Variants in GRIN2B observed in about 807,000 individuals in gnomAD.
GRIN2B encodes the protein glutamate ionotropic receptor NMDA type subunit 2B, also known as glutamate receptor ionotropic, NMDA 2B.
A neutral mutation model predicts 114.5 loss-of-function variants in GRIN2B; 5 were observed. That is an observed-to-expected ratio of 0.04 (90% CI 0.02 to 0.09). GRIN2B has a LOEUF of 0.09. Ranked by LOEUF, GRIN2B falls within the 10% of genes least tolerant of loss-of-function variation. The pLI is 1.00. For missense variants in GRIN2B, 1,108 were observed against 1,943.5 expected, an observed-to-expected ratio of 0.57 and a Z score of 8.08; for synonymous variants, 787 against 745.1, an observed-to-expected ratio of 1.06 and a Z score of -0.92.
At chr12:13,628,969 A>G (rs951366965) in intron 5 of GRIN2B, among the ~76,000 whole-genome samples, 2 of 152,224 alleles carry the variant, frequency 1.3e-5, no homozygotes, top group African/African-American at 4.8e-5. Context: ...ATGAGGGAGC[A>G]CAAATGGAAG....
chr12:13,973,369 T>C (rs1006500091), intron 2 of GRIN2B, among the ~76,000 whole-genome samples: 4 of 152,088 alleles, frequency 2.6e-5, no homozygotes, highest in African/African-American at 9.7e-5. Context: ...GTAGACAGCA[T>C]AGTTTGCCGT....
chr12:13,578,752 T>C (rs1948808462), intron 10 of GRIN2B, among the ~76,000 whole-genome samples: 1 of 152,104 alleles, frequency 6.6e-6, no homozygotes, highest in Non-Finnish European at 1.5e-5. Context: ...TAGGAAGAAA[T>C]TGAAACAGCA....
At chr12:13,854,009 T>C (rs74067133) in intron 3 of GRIN2B, among the ~76,000 whole-genome samples, 8,865 of 152,164 alleles carry the variant, frequency 0.058, 345 homozygotes, top group African/African-American at 0.11. Flanking sequence ...TACCATTACT[T>C]ACAGTTGTGA....
At chr12:13,825,502 G>GTGTGTGTGTA (rs1865019420) in intron 3 of GRIN2B, among the ~76,000 whole-genome samples, 1 of 122,026 alleles carries the variant, frequency 8.2e-6, no homozygotes, top group Non-Finnish European at 1.8e-5. Flanking sequence ...TATTTTGTGT[G>GTGTGTGTGTA]TGTGTGTGTG....
chr12:13,687,194 T>C lies in GRIN2B; in HGVS notation c.1011-11335A>G, dbSNP rs565827673. Among the ~76,000 whole-genome samples, 4 of 152,318 alleles carry C rather than the reference T, an allele frequency of 2.6e-5. No individual in the cohort carries two copies. In the South Asian group the frequency reaches 8.3e-4, roughly 32 times the overall value. On this transcript the variant is annotated intron_variant, in intron 4 of 13. Coordinates refer to ENST00000609686, the MANE Select transcript of GRIN2B (RefSeq NM_000834.5). Reference sequence around the variant, plus strand: ...GAGTTTTCTTTATAGCAACACAAAATAAACTAAGACAAAGATCAACAAAAA... The same window carrying C: ...GAGTTTTCTTTATAGCAACACAAAACAAACTAAGACAAAGATCAACAAAAA...
At chr12:13,891,442 G>A (rs924553192) in intron 2 of GRIN2B, among the ~76,000 whole-genome samples, 4 of 152,022 alleles carry the variant, frequency 2.6e-5, no homozygotes, top group African/African-American at 7.3e-5. Context: ...GTCATTGTAA[G>A]GCATTGTTTA....
At chr12:13,792,061 G>A (rs151158405) in intron 3 of GRIN2B, among the ~76,000 whole-genome samples, 62 of 152,262 alleles carry the variant, frequency 4.1e-4, no homozygotes, top group African/African-American at 1.3e-3. Flanking sequence ...CGCCATATTC[G>A]TCTTTCTGTG....
chr12:13,636,598 G>A (rs145718201), intron 5 of GRIN2B, among the ~76,000 whole-genome samples: 15 of 152,252 alleles, frequency 9.9e-5, no homozygotes, highest in Admixed American at 4.6e-4. Flanking sequence ...ATTTGCTAAT[G>A]AATTTGATAT....
chr12:13,831,464 C>T (rs575599441), intron 3 of GRIN2B, among the ~76,000 whole-genome samples: 2 of 152,180 alleles, frequency 1.3e-5, no homozygotes, highest in East Asian at 3.9e-4. Flanking sequence ...CCAGCTCAGG[C>T]CCAACAGGCA....
rs142722452 is a variant in GRIN2B at position 13,654,466 on chromosome 12, G to A, written c.1125+21279C>T. 5.7e-3 allele frequency among the ~76,000 whole-genome samples: 868 copies of A among 152,284 alleles called. 5 individuals carry two copies. The highest frequency in any genetic ancestry group is 9.3e-3 in the Non-Finnish European group (633 of 68,008). On this transcript the variant is annotated intron_variant, in intron 5 of 13. Coordinates refer to ENST00000609686, the MANE Select transcript of GRIN2B (RefSeq NM_000834.5). ...TCTTGACAGGAAGCACATCTTTTAAGAAACCCATTGCTGACTCTGATGGTC... is the reference window on the plus strand; with the variant it reads ...TCTTGACAGGAAGCACATCTTTTAAAAAACCCATTGCTGACTCTGATGGTC...
chr12:13,922,214 A>G (rs1370486738), intron 2 of GRIN2B, among the ~76,000 whole-genome samples: 1 of 152,164 alleles, frequency 6.6e-6, no homozygotes, highest in Non-Finnish European at 1.5e-5. Context: ...TCTTTCCTCA[A>G]TGGTTCAGAG....
chr12:13,674,607 G>A (rs1482076641), intron 5 of GRIN2B, among the ~76,000 whole-genome samples: 1 of 152,002 alleles, frequency 6.6e-6, no homozygotes, highest in East Asian at 1.9e-4. Context: ...TCATTTTCTG[G>A]TAACTCTCTC....
intron 2 of GRIN2B, among the ~76,000 whole-genome samples, chr12:13,932,412 C>T (rs776528408): frequency 4.6e-5 from 7 of 152,202 alleles, no homozygotes; most frequent in Non-Finnish European, 1.0e-4. Context: ...CCTCCACTAG[C>T]AAGTCAGTTC....
At chr12:13,819,627 A>T (rs1020817239) in intron 3 of GRIN2B, among the ~76,000 whole-genome samples, 6 of 152,202 alleles carry the variant, frequency 3.9e-5, no homozygotes, top group Non-Finnish European at 7.3e-5. Context: ...ATAATCAAAC[A>T]CATAAACATT....
chr12:13,967,853 C>T (rs1052127577), intron 2 of GRIN2B, among the ~76,000 whole-genome samples: 11 of 152,158 alleles, frequency 7.2e-5, no homozygotes, highest in Non-Finnish European at 1.5e-4. Flanking sequence ...GCACTGCAGT[C>T]AGAGCAAGAG....
At chr12:13,898,041 A>C (rs1051002295) in intron 2 of GRIN2B, among the ~76,000 whole-genome samples, 1 of 151,620 alleles carries the variant, frequency 6.6e-6, no homozygotes, top group Non-Finnish European at 1.5e-5. Flanking sequence ...AGAAAGGGCT[A>C]CCTTTATACA....
At chr12:13,933,056 C>T (rs562811072) in intron 2 of GRIN2B, among the ~76,000 whole-genome samples, 2 of 151,940 alleles carry the variant, frequency 1.3e-5, no homozygotes, top group Non-Finnish European at 2.9e-5. Flanking sequence ...TCCATAGCTA[C>T]AGCTTACAGC....
intron 3 of GRIN2B, among the ~76,000 whole-genome samples, chr12:13,840,056 G>A (rs1479575024): frequency 6.6e-6 from 1 of 152,172 alleles, no homozygotes; most frequent in Non-Finnish European, 1.5e-5. Context: ...TAGAGTGAGG[G>A]ATCAAACCAC....
At chr12:13,959,807 T>C (rs1867659502) in intron 2 of GRIN2B, among the ~76,000 whole-genome samples, 1 of 150,658 alleles carries the variant, frequency 6.6e-6, no homozygotes, top group Non-Finnish European at 1.5e-5. Context: ...TTTCCAATAT[T>C]GGGAGAACAT....
Sources: allele counts gnomAD v4.1 joint callset (sites outside exome capture counted in the v4.1 genomes callset), GRCh38; gene constraint gnomAD v4.1.1; transcripts MANE v1.5; gene names NCBI Gene and HGNC (gene_info 2026-07-23, HGNC 2026-07-21).